ADD1: variants seen among roughly 807,000 people sequenced by gnomAD.
ADD1 encodes the protein alpha-adducin.
ADD1 carries 24 observed loss-of-function variants against 80.5 expected under a neutral mutation model. The observed-to-expected ratio is 0.30, with a 90% CI of 0.22 to 0.42. The LOEUF is 0.42. ADD1 is among the 10% of genes least tolerant of loss of function. The pLI, the probability that ADD1 is intolerant of heterozygous loss-of-function variation, is 1.00. For missense variants in ADD1, 948 were observed against 1,019.0 expected, an observed-to-expected ratio of 0.93 and a Z score of 0.95; for synonymous variants, 373 against 393.8, an observed-to-expected ratio of 0.95 and a Z score of 0.63.
intron 3 of ADD1, among the ~76,000 whole-genome samples, chr4:2,883,656 G>T (rs1157689114): frequency 6.6e-6 from 1 of 151,668 alleles, no homozygotes; most frequent in Non-Finnish European, 1.5e-5. Flanking sequence ...TGCCTTCCAT[G>T]CCTGGCTAAT....
chr4:2,926,497 G>A lies in ADD1; in HGVS notation c.2047+385G>A, dbSNP rs1711656991. The A allele has an allele frequency of 8.3e-6, 7 of 842,002 alleles. No homozygotes were observed. Among genetic ancestry groups the A allele is most frequent in the Admixed American group, 8.1e-5 (4 of 49,228 alleles). The allele number at this position is 842,002 out of a possible 1,614,324, so 52.2% of individuals were successfully genotyped here. A position where few individuals can be genotyped will look rare whatever the true frequency, so the allele number is the denominator to read the frequency against. On this transcript the variant is annotated intron_variant, in intron 15 of 15. Coordinates refer to ENST00000683351, the MANE Select transcript of ADD1 (RefSeq NM_001354761.2). This position sits in a 1 kb window ranked among gnomAD's most constrained non-coding sequence, Gnocchi z 5.0. ...CCGTGTGTCTGTGGTGTGTGATCCC[G>A]GGTGTCTGTCCCTCGGTCTCGTACA...
Position 2,909,325 on chromosome 4 carries a change from G to C in ADD1, c.1699-14G>C, listed in dbSNP as rs752433528. ...GGGCCTGGTGTGCTCTGGTGACTCA[G>C]TTTACTGTTTCAGGATGCACCTCTC... On this transcript the variant is annotated splice_polypyrimidine_tract_variant and intron_variant, in intron 12 of 15. Transcript: ENST00000683351. The C allele has an allele frequency of 7.1e-6, 11 of 1,547,844 alleles. No homozygotes were observed. Among genetic ancestry groups the C allele is most frequent in the Non-Finnish European group, 9.6e-6 (11 of 1,144,502 alleles).
chr4:2,880,854 T>C (rs1732193149), intron 2 of ADD1, among the ~76,000 whole-genome samples: 1 of 152,100 alleles, frequency 6.6e-6, no homozygotes, highest in Non-Finnish European at 1.5e-5. Flanking sequence ...ATTGTTATAA[T>C]AGTGATTTTC....
At chr4:2,865,776 A>G (rs1368026509) in intron 1 of ADD1, among the ~76,000 whole-genome samples, 1 of 152,242 alleles carries the variant, frequency 6.6e-6, no homozygotes, top group Non-Finnish European at 1.5e-5. Context: ...TGTTTCAATA[A>G]AAAGATTTTG....
chr4:2,847,561 A>G (rs947510950), intron 1 of ADD1, among the ~76,000 whole-genome samples: 30 of 152,236 alleles, frequency 2.0e-4, no homozygotes, highest in Admixed American at 2.0e-3. Flanking sequence ...CAAGATGAAC[A>G]CGTGAACCTC....
chr4:2,924,277 G>A (rs1268819626), intron 14 of ADD1, among the ~76,000 whole-genome samples: 1 of 152,232 alleles, frequency 6.6e-6, no homozygotes, highest in Non-Finnish European at 1.5e-5. Context: ...GAGAACTAAT[G>A]AGAGAAGCAG....
intron 14 of ADD1, among the ~76,000 whole-genome samples, chr4:2,920,100 A>G (rs1308394801): frequency 6.6e-6 from 1 of 152,168 alleles, no homozygotes; most frequent in East Asian, 1.9e-4. Context: ...TTATTTACCC[A>G]GTAGTCATTT....
At chr4:2,885,014 T>G (rs1179891077) in intron 4 of ADD1, among the ~76,000 whole-genome samples, 5 of 152,238 alleles carry the variant, frequency 3.3e-5, no homozygotes, top group African/African-American at 1.2e-4. Flanking sequence ...CTCTCAAACT[T>G]ATTTCTTCAG....
chr4:2,926,263 C>G lies in ADD1; in HGVS notation c.2047+151C>G. 1 of 774,170 alleles carries G rather than the reference C, an allele frequency of 1.3e-6. No individual in the cohort carries two copies. The highest frequency in any genetic ancestry group is 1.5e-5 in the South Asian group (1 of 68,344). The allele number at this position is 774,170 out of a possible 1,614,324, so 48.0% of individuals were successfully genotyped here. A position where few individuals can be genotyped will look rare whatever the true frequency, so the allele number is the denominator to read the frequency against. On this transcript the variant is annotated intron_variant, in intron 15 of 15. Coordinates refer to ENST00000683351, the MANE Select transcript of ADD1 (RefSeq NM_001354761.2). The surrounding 1 kb of genome is among the most constrained non-coding windows in gnomAD (Gnocchi z 5.0). ...GTGACACCTTTCTCCTCCTATATTG[C>G]TTCTGTCCTGGGTAACTCCAGGCAA...
chr4:2,898,049 C>A, intron 6 of ADD1, 135 bp from the exon 7 acceptor site: 2 of 1,195,902 alleles, frequency 1.7e-6, no homozygotes, highest in Non-Finnish European at 1.2e-6. Context: ...GTCTTAAGTT[C>A]ATAGATTGAT....
intron 1 of ADD1, among the ~76,000 whole-genome samples, chr4:2,846,305 A>G (rs1357473376): frequency 1.3e-5 from 2 of 152,204 alleles, no homozygotes; most frequent in Non-Finnish European, 2.9e-5. Context: ...GCACAGTCTC[A>G]ATTTTACTCT....
intron 1 of ADD1, among the ~76,000 whole-genome samples, chr4:2,852,189 T>TCTTTCCTTC (rs1553815100): frequency 2.0e-5 from 1 of 50,754 alleles, no homozygotes; most frequent in Non-Finnish European, 4.1e-5. Flanking sequence ...TTTCTTTCTT[T>TCTTTCCTTC]CTTTCTTTCC....
chr4:2,911,896 CTG>C (rs1191658263), intron 13 of ADD1, among the ~76,000 whole-genome samples: 2 of 152,356 alleles, frequency 1.3e-5, no homozygotes, highest in Admixed American at 1.3e-4. Context: ...TCACCAGGGG[CTG>C]TGTTCTCCAA....
At chr4:2,885,842 C>T (rs948963529) in intron 4 of ADD1, among the ~76,000 whole-genome samples, 11 of 152,064 alleles carry the variant, frequency 7.2e-5, no homozygotes, top group Non-Finnish European at 8.8e-5. Context: ...GATCTCCTGA[C>T]CTTGTGATCC....
At chr4:2,893,516 G>A (rs547205729) in intron 4 of ADD1, among the ~76,000 whole-genome samples, 45 of 152,140 alleles carry the variant, frequency 3.0e-4, no homozygotes, top group African/African-American at 1.1e-3. Context: ...GGGAGGCTGA[G>A]GTGGGAGGAT....
chr4:2,861,677 C>T (rs1728838246), intron 1 of ADD1, among the ~76,000 whole-genome samples: 1 of 152,124 alleles, frequency 6.6e-6, no homozygotes, highest in African/African-American at 2.4e-5. Flanking sequence ...TGCCCAAGCT[C>T]CATTCCTAGA....
chr4:2,875,209 G>T (rs1262109053), intron 1 of ADD1, among the ~76,000 whole-genome samples: 1 of 152,038 alleles, frequency 6.6e-6, no homozygotes, highest in Admixed American at 6.6e-5. Context: ...AGCCTCGGTG[G>T]CAGAACAAGA....
At chr4:2,922,223 T>G (rs561713208) in intron 14 of ADD1, among the ~76,000 whole-genome samples, 2 of 152,174 alleles carry the variant, frequency 1.3e-5, no homozygotes, top group African/African-American at 4.8e-5. Flanking sequence ...GCATTCTGGT[T>G]TTTGGAAATT....
chr4:2,863,261 T>C (rs112450569), intron 1 of ADD1, among the ~76,000 whole-genome samples: 1 of 144,390 alleles, frequency 6.9e-6, no homozygotes, highest in African/African-American at 2.6e-5. Context: ...GGTTCTGCCA[T>C]ATTGCCCAGG....
Sources: gnomAD v4.1 joint callset for allele counts (sites outside exome capture counted in the v4.1 genomes callset) on GRCh38, gnomAD v4.1.1 for gene constraint, Gnocchi (gnomAD v3.1) non-coding constraint, MANE v1.5 for transcripts, NCBI Gene and HGNC (gene_info 2026-07-23, HGNC 2026-07-21) for gene names.